The following SPATA25 variants were observed in gnomAD, a reference collection of about 807,000 sequenced individuals.
The protein encoded by SPATA25 is spermatogenesis-associated protein 25.
A neutral mutation model predicts 16.0 loss-of-function variants in SPATA25; 16 were observed. The ratio of observed to expected loss-of-function variants is 1.00; its 90% confidence interval spans 0.68 to 1.52. The LOEUF is 1.52. SPATA25 is among the 40% of genes most tolerant of loss of function. SPATA25 has a pLI of 0.00. For synonymous variants in SPATA25, 115 were observed against 118.5 expected (o/e 0.97, Z 0.19); for missense variants, 285 against 289.2 (o/e 0.99, Z 0.11).
At position 45,887,605 on chromosome 20, in the gene SPATA25, C is replaced by T. The variant is rs73126736; in HGVS notation, c.-15G>A. On this transcript the variant is annotated 5_prime_UTR_variant, in exon 1 of 2. Transcript: ENST00000372519. ...AAGTAGGACATGGCTTCCCCAAAGC[C>T]CCGGTTTGTGAGGGAATAGTGATCT... is the stretch of plus-strand genomic sequence containing the variant. 0.015 allele frequency: 23,386 copies of T among 1,612,694 alleles called. 186 individuals are homozygous for T. Among genetic ancestry groups the T allele is most frequent in the Non-Finnish European group, 0.017 (19,684 of 1,179,130 alleles).
chr20:45,890,220 C>CAGGA (rs1250073791), upstream of SPATA25: 5 of 1,613,444 alleles, frequency 3.1e-6, no homozygotes, highest in African/African-American at 6.7e-5. Flanking sequence ...CACACTGAGC[C>CAGGA]AGGAGGGGTC....
chr20:45,889,639 A>G (rs1283253802), upstream of SPATA25, among the ~76,000 whole-genome samples: 1 of 129,796 alleles, frequency 7.7e-6, no homozygotes, highest in Non-Finnish European at 1.7e-5. Context: ...TTTTTTTCAG[A>G]GTCTTGCTCT....
upstream of SPATA25, chr20:45,890,030 C>A: frequency 1.7e-6 from 1 of 593,322 alleles, no homozygotes; most frequent in Non-Finnish European, 3.0e-6. Flanking sequence ...TAAAAGGGAA[C>A]TTGTAGGGCA....
rs762691348 is a variant in SPATA25, at chr20:45,886,916, A to T, written c.285T>A (p.His95Gln). The change falls in exon 2 of 2, where the codon CAT becomes CAA. Residue 95 changes from histidine to glutamine, a missense_variant. Transcript: ENST00000372519. ...EYSRNCHKFP[H>Q]VRQLESLGWD... ...AGCCCAAGCTCTCCAGCTGCCTCAC[A>T]TGCGGGAATTTGTGGCAGTTTCGGC... 6.2e-7 allele frequency: 1 copy of T among 1,614,136 alleles called. No individual in the cohort carries two copies. The highest frequency in any genetic ancestry group is 8.5e-7 in the Non-Finnish European group (1 of 1,180,020).
In SPATA25 at chr20:45,886,717, C is replaced by T. The variant is rs1450866048; in HGVS notation, c.484G>A (p.Ala162Thr). Residue 162 changes from alanine to threonine, a missense_variant, in exon 2 of 2, where the codon GCT becomes ACT. Transcript: ENST00000372519. Reference protein sequence around the residue: ...ICILTLAMMIAGIPTVPVPGV... With the variant: ...ICILTLAMMITGIPTVPVPGV... The stretch of plus-strand genomic sequence containing the variant: ...GGGACGGGCACGGTGGGGATGCCAG[C>T]GATCATCATGGCGAGGGTGAGGATG... 16 of 1,613,972 alleles carry T rather than the reference C, an allele frequency of 9.9e-6. No homozygotes were observed. The South Asian group carries it at 1.2e-4, about 12-fold the overall frequency.
At position 45,886,879 on chromosome 20, in the gene SPATA25, A is replaced by G; in HGVS notation, c.322T>C (p.Tyr108His). The G allele has an allele frequency of 6.2e-7, 1 of 1,614,100 alleles. No homozygotes were observed. Among genetic ancestry groups the G allele is most frequent in the Non-Finnish European group, 8.5e-7 (1 of 1,180,024 alleles). ...AGGTCAGGGGCTCTGCTTCTGGAGT[A>G]GCCATTGTCCCAGCCCAAGCTCTCC... ...QLESLGWDNG[Y>H]SRSRAPDLGG... The change falls in exon 2 of 2, where the codon TAC becomes CAC. Residue 108 changes from tyrosine to histidine, a missense_variant. Physicochemically the swap from Tyr to His is moderately conservative, Grantham distance 83. Coordinates refer to ENST00000372519, the MANE Select transcript of SPATA25 (RefSeq NM_080608.4).
upstream of SPATA25, chr20:45,890,616 C>A: frequency 6.2e-7 from 1 of 1,612,888 alleles, no homozygotes; most frequent in Non-Finnish European, 8.5e-7. Flanking sequence ...TCCGGGCGGC[C>A]CTCCCGGGGC....
upstream of SPATA25, chr20:45,890,972 G>C: frequency 6.7e-7 from 1 of 1,493,674 alleles, no homozygotes; most frequent in Non-Finnish European, 8.9e-7. Context: ...CGAATCCACG[G>C]GCTCGGAGGC....
At chr20:45,887,257 G>A (rs1174116696) in intron 1 of SPATA25, 112 bp from the exon 2 acceptor site, 27 of 1,328,794 alleles carry the variant, frequency 2.0e-5, no homozygotes, top group Admixed American at 7.6e-5. Context: ...CAGCCCCAGC[G>A]GACTGTCTAG....
In SPATA25 at chr20:45,886,856, G is replaced by C. The variant is rs147019870; in HGVS notation, c.345C>G (p.Asp115Glu). ...DNGYSRSRAPDLGGPSRPRPL... is the reference protein window; with the variant it reads ...DNGYSRSRAPELGGPSRPRPL... ...GCCTAGGCCTGCTGGGGCCACCCAGGTCAGGGGCTCTGCTTCTGGAGTAGC... is the reference window on the plus strand; with the variant it reads ...GCCTAGGCCTGCTGGGGCCACCCAGCTCAGGGGCTCTGCTTCTGGAGTAGC... Residue 115 changes from aspartate to glutamate, a missense_variant, in exon 2 of 2, where the codon GAC (aspartate) becomes GAG (glutamate). Physicochemically the swap from Asp to Glu is conservative, Grantham distance 45 (BLOSUM62 2). Coordinates refer to ENST00000372519, the MANE Select transcript of SPATA25 (RefSeq NM_080608.4). The C allele has an allele frequency of 2.3e-5, 37 of 1,613,996 alleles. No individual in the cohort carries two copies. Among genetic ancestry groups the C allele is most frequent in the Middle Eastern group, 1.6e-4 (1 of 6,062 alleles).
At chr20:45,890,938 G>A (rs1203159118), upstream of SPATA25, 2 of 1,524,592 alleles carry the variant, frequency 1.3e-6, no homozygotes, top group Non-Finnish European at 8.8e-7. Flanking sequence ...GGGGCTCCGG[G>A]CGCTCGAGTC....
At position 45,886,986 on chromosome 20, in the gene SPATA25, C is replaced by T. The variant is rs774137585; in HGVS notation, c.215G>A (p.Gly72Asp). 2.5e-6 allele frequency: 4 copies of T among 1,613,852 alleles called. No individual in the cohort carries two copies. The highest frequency in any genetic ancestry group is 3.4e-6 in the Non-Finnish European group (4 of 1,180,036). ...CTCCCAGCTAGTCCCCCCAGGGCAGCCCCTGGCTTGTGGCATTGCCAGGGC... is the reference window on the plus strand; with the variant it reads ...CTCCCAGCTAGTCCCCCCAGGGCAGTCCCTGGCTTGTGGCATTGCCAGGGC... ...GPALAMPQAR[G>D]CPGGTSWETL... Residue 72 changes from glycine (G) to aspartate (D), a missense_variant, in exon 2 of 2, where the codon GGC (glycine) becomes GAC (aspartate). By Grantham distance (94) the Gly-to-Asp change is moderately conservative. Coordinates refer to ENST00000372519, the MANE Select transcript of SPATA25 (RefSeq NM_080608.4).
upstream of SPATA25, chr20:45,890,406 G>T: frequency 1.9e-6 from 3 of 1,612,368 alleles, no homozygotes; most frequent in Non-Finnish European, 2.5e-6. Flanking sequence ...TCGGGGCGCG[G>T]GCAAAAGAGG....
chr20:45,890,482 A>T, upstream of SPATA25: 3 of 1,598,960 alleles, frequency 1.9e-6, no homozygotes, highest in Admixed American at 1.7e-5. Flanking sequence ...GGTCCAAGAG[A>T]TGGCTGTAGA....
In SPATA25 at chr20:45,887,523, G is replaced by GC. The variant is rs747543185; in HGVS notation, c.55+12dup. ...TGCCGCACTCCCTCCAATTGCAGGT[G>GC]CCCCCCGCTCACCTTGGCCGGAAGG... On this transcript the variant is annotated intron_variant, in intron 1 of 1. Coordinates refer to ENST00000372519, the MANE Select transcript of SPATA25 (RefSeq NM_080608.4). The GC allele has an allele frequency of 4.3e-6, 7 of 1,612,106 alleles. No individual in the cohort carries two copies. The South Asian group carries it at 4.4e-5, about 10-fold the overall frequency.
chr20:45,887,098 C>T lies in SPATA25; in HGVS notation c.103G>A (p.Glu35Lys). 1 of 1,603,260 alleles carries T rather than the reference C, an allele frequency of 6.2e-7. No individual in the cohort carries two copies. Among genetic ancestry groups the T allele is most frequent in the South Asian group, 1.1e-5 (1 of 91,060 alleles). The change falls in exon 2 of 2, where the codon GAG becomes AAG. Residue 35 changes from glutamate to lysine, a missense_variant. By Grantham distance (56) the Glu-to-Lys change is moderately conservative. Transcript: ENST00000372519. ...CCACCAGAGGCCACCACCACTGGCT[C>T]TACAGGACTACAGAGGCCAAGGGAC... is the stretch of plus-strand genomic sequence containing the variant. ...GLSLGLCSPVEPVVVASGGTG... is the reference protein window; with the variant it reads ...GLSLGLCSPVKPVVVASGGTG...
At chr20:45,887,688 C>T (rs2145805303), upstream of SPATA25, 2 of 1,139,982 alleles carry the variant, frequency 1.8e-6, no homozygotes, top group South Asian at 1.5e-5. Flanking sequence ...CCCTCCCCTT[C>T]ACACTTGGAA....
upstream of SPATA25, chr20:45,890,438 G>T (rs780412328): frequency 3.7e-6 from 6 of 1,609,300 alleles, no homozygotes; most frequent in South Asian, 6.6e-5. Flanking sequence ...GCTACGGCGC[G>T]CGGTCGGAGG....
At chr20:45,890,337 C>G, upstream of SPATA25, 1 of 1,613,120 alleles carries the variant, frequency 6.2e-7, no homozygotes. Context: ...GCTGGCAGTC[C>G]CCGGGCGCTC....
Sources: gnomAD v4.1 joint callset for allele counts (sites outside exome capture counted in the v4.1 genomes callset) on GRCh38, gnomAD v4.1.1 for gene constraint, MANE v1.5 for transcripts, NCBI Gene and HGNC (gene_info 2026-07-23, HGNC 2026-07-21) for gene names.